Variants in RELN observed in about 807,000 individuals in gnomAD.
The protein encoded by RELN is reelin.
In RELN, 108 loss-of-function variants were observed where a neutral mutation model predicts 427.6. The ratio of observed to expected loss-of-function variants is 0.25; its 90% CI spans 0.22 to 0.30. RELN has a LOEUF of 0.30. Ranked by LOEUF, RELN falls within the 10% of genes least tolerant of loss-of-function variation. RELN has a pLI of 1.00. For synonymous variants in RELN, 1,524 were observed against 1,513.4 expected (o/e 1.01, Z -0.16); for missense variants, 3,715 against 4,302.8 (o/e 0.86, Z 3.82).
intron 2 of RELN, among the ~76,000 whole-genome samples, chr7:103,839,023 T>C (rs1446507521): frequency 1.3e-5 from 2 of 152,308 alleles, no homozygotes; most frequent in African/African-American, 2.4e-5. Context: ...TATTGAGATT[T>C]TGTAAAGCTC....
intron 11 of RELN, among the ~76,000 whole-genome samples, chr7:103,661,970 G>T (rs1833153681): frequency 6.6e-6 from 1 of 152,118 alleles, no homozygotes; most frequent in South Asian, 2.1e-4. Context: ...CATAAGAATT[G>T]GCAAAAGTCT....
intron 11 of RELN, among the ~76,000 whole-genome samples, chr7:103,673,643 C>G (rs1464623896): frequency 6.6e-6 from 1 of 152,096 alleles, no homozygotes; most frequent in Non-Finnish European, 1.5e-5. Flanking sequence ...CTTTCTGAAT[C>G]CTGTGTGTCT....
chr7:103,927,612 G>A (rs1465943857), intron 1 of RELN, among the ~76,000 whole-genome samples: 1 of 152,138 alleles, frequency 6.6e-6, no homozygotes, highest in Non-Finnish European at 1.5e-5. Context: ...ACATTAAATT[G>A]TAATTATAAA....
intron 52 of RELN, among the ~76,000 whole-genome samples, chr7:103,502,304 TGCGTAAGCACTTTATTC>T (rs1232393960): frequency 2.8e-4 from 42 of 152,366 alleles, no homozygotes; most frequent in African/African-American, 1.0e-3. Flanking sequence ...CTGGGAACTG[TGCGTAAGCACTTTATTC>T]AAAGACTCTT....
At chr7:103,849,624 A>ATAGT (rs998849220) in intron 2 of RELN, among the ~76,000 whole-genome samples, 8 of 152,298 alleles carry the variant, frequency 5.3e-5, no homozygotes, top group Non-Finnish European at 1.2e-4. Context: ...GAGACTGTAT[A>ATAGT]TAGTTGTAAG....
chr7:103,799,834 T>C (rs1792399862), intron 3 of RELN, among the ~76,000 whole-genome samples: 1 of 152,166 alleles, frequency 6.6e-6, no homozygotes, highest in South Asian at 2.1e-4. Context: ...AGCACATTAA[T>C]AAGTGACTTA....
chr7:103,962,409 G>T (rs1253622889), intron 1 of RELN, among the ~76,000 whole-genome samples: 1 of 151,926 alleles, frequency 6.6e-6, no homozygotes, highest in Non-Finnish European at 1.5e-5. Context: ...CCCTCTCTTT[G>T]CTCTTCCTGC....
At chr7:103,661,316 G>A in intron 12 of RELN, 60 bp downstream of exon 12, 1 of 1,526,780 alleles carries the variant, frequency 6.5e-7, no homozygotes, top group African/African-American at 1.4e-5. Flanking sequence ...ACTTCCTCAG[G>A]AATAGGTGCT....
intron 3 of RELN, among the ~76,000 whole-genome samples, chr7:103,817,090 G>C (rs1382944674): frequency 6.6e-6 from 1 of 152,116 alleles, no homozygotes; most frequent in Admixed American, 6.6e-5. Flanking sequence ...GACCTCAAGT[G>C]ATCCGCCCGC....
chr7:103,639,627 T>G lies in RELN; in HGVS notation c.2069+916A>C, dbSNP rs551184692. Among the ~76,000 whole-genome samples, 4 of 152,202 alleles carry G rather than the reference T, an allele frequency of 2.6e-5. No homozygotes were observed. In the South Asian group the frequency reaches 8.3e-4, roughly 32 times the overall value. ...GTTGGCCAGGCTGGTCTCGAACTCC[T>G]GACCTCAAGTGATCCACTGCCTCAG... On this transcript the variant is annotated intron_variant, in intron 17 of 64. Transcript: ENST00000428762.
At chr7:103,739,398 G>A (rs796792652) in intron 6 of RELN, among the ~76,000 whole-genome samples, 9 of 152,280 alleles carry the variant, frequency 5.9e-5, no homozygotes, top group African/African-American at 2.2e-4. Context: ...AGGTTTTGGA[G>A]GGTTGTTGCT....
At chr7:103,828,798 T>C (rs1793205842) in intron 3 of RELN, among the ~76,000 whole-genome samples, 1 of 152,004 alleles carries the variant, frequency 6.6e-6, no homozygotes, top group African/African-American at 2.4e-5. Flanking sequence ...TCTATATTCA[T>C]ATAGAGATAG....
intron 3 of RELN, among the ~76,000 whole-genome samples, chr7:103,821,032 A>G (rs1179540992): frequency 6.6e-6 from 1 of 152,222 alleles, no homozygotes; most frequent in East Asian, 1.9e-4. Flanking sequence ...CGAACTTTTT[A>G]AATATAATGT....
Position 103,573,980 on chromosome 7 carries a change from C to T in RELN, c.4511+112G>A. 1.1e-6 allele frequency: 1 copy of T among 884,706 alleles called. No individual in the cohort carries two copies. Among genetic ancestry groups the T allele is most frequent in the Non-Finnish European group, 1.9e-6 (1 of 532,794 alleles). The allele number at this position is 884,706 out of a possible 1,614,324, so 54.8% of individuals were successfully genotyped here. A position where few individuals can be genotyped will look rare whatever the true frequency, so the allele number is the denominator to read the frequency against. On this transcript the variant is annotated intron_variant, in intron 30 of 64. Transcript: ENST00000428762. This position sits in a 1 kb window ranked among gnomAD's most constrained non-coding sequence, Gnocchi z 4.4. ...ATTTTTACATATCATAATCTATATA[C>T]AGAAACATTATTGTATATATTCCCA...
intron 1 of RELN, among the ~76,000 whole-genome samples, chr7:103,977,206 G>A (rs546434817): frequency 6.6e-6 from 1 of 150,994 alleles, no homozygotes; most frequent in Admixed American, 6.6e-5. Flanking sequence ...AGCTACTTGG[G>A]AGGCTGAGGC....
intron 1 of RELN, among the ~76,000 whole-genome samples, chr7:103,924,173 T>G (rs142377693): frequency 1.1e-4 from 17 of 152,288 alleles, no homozygotes; most frequent in African/African-American, 4.1e-4. Context: ...TTCCATGCCC[T>G]GGGTACATGG....
intron 8 of RELN, among the ~76,000 whole-genome samples, chr7:103,710,260 C>G (rs186602742): frequency 1.3e-5 from 2 of 152,324 alleles, no homozygotes; most frequent in Admixed American, 1.3e-4. Flanking sequence ...ACTCCTTCAT[C>G]ACGTTGCCCC....
Position 103,594,586 on chromosome 7 carries a change from A to G in RELN, c.3540-94T>C, listed in dbSNP as rs1831495584. On this transcript the variant is annotated intron_variant, in intron 25 of 64. Transcript: ENST00000428762. ...ACAACAAGGGTAACAACAAGAGAAA[A>G]GTTTTGTTTGGTTTGATCTCAATAT... 6 of 1,361,896 alleles carry G rather than the reference A, an allele frequency of 4.4e-6. No individual in the cohort carries two copies. In the Admixed American group the frequency reaches 1.1e-4, roughly 24 times the overall value. 84.4% of individuals were successfully genotyped at this position (1,361,896 alleles called of 1,614,324 possible). A position where few individuals can be genotyped will look rare whatever the true frequency, so the allele number is the denominator to read the frequency against.
At chr7:103,732,568 G>C (rs1790381411) in intron 6 of RELN, among the ~76,000 whole-genome samples, 1 of 152,072 alleles carries the variant, frequency 6.6e-6, no homozygotes. Context: ...CCGTACAGAA[G>C]GCAACTGGTG....
Sources: gnomAD v4.1 joint callset for allele counts (sites outside exome capture counted in the v4.1 genomes callset) on GRCh38, gnomAD v4.1.1 for gene constraint, Gnocchi (gnomAD v3.1) non-coding constraint, MANE v1.5 for transcripts, NCBI Gene and HGNC (gene_info 2026-07-23, HGNC 2026-07-21) for gene names.